RBMS3: variants seen among roughly 807,000 people sequenced by gnomAD.
RBMS3 encodes RNA-binding motif, single-stranded-interacting protein 3.
A neutral mutation model predicts 66.8 loss-of-function variants in RBMS3; 27 were observed. The observed-to-expected ratio is 0.40, with a 90% CI of 0.30 to 0.56. The LOEUF is 0.56. Among genes scored for constraint, RBMS3 ranks in the 20% least tolerant of loss-of-function variants. RBMS3 has a pLI of 0.40. For synonymous variants in RBMS3, 188 were observed against 183.0 expected (o/e 1.03, Z -0.22); for missense variants, 513 against 549.5 (o/e 0.93, Z 0.66).
At chr3:29,814,041 G>A (rs952852524) in intron 6 of RBMS3, among the ~76,000 whole-genome samples, 2 of 151,794 alleles carry the variant, frequency 1.3e-5, no homozygotes, top group Non-Finnish European at 2.9e-5. Flanking sequence ...GTGAGAGAGG[G>A]CATCCCTGTC....
intron 1 of RBMS3, among the ~76,000 whole-genome samples, chr3:29,415,553 T>C (rs1317174544): frequency 6.6e-6 from 1 of 152,120 alleles, no homozygotes; most frequent in Non-Finnish European, 1.5e-5. Flanking sequence ...TTAATTTTTG[T>C]TGGGGGAAGA....
At chr3:29,953,466 G>T (rs1423662829) in intron 12 of RBMS3, among the ~76,000 whole-genome samples, 1 of 151,870 alleles carries the variant, frequency 6.6e-6, no homozygotes, top group Non-Finnish European at 1.5e-5. Context: ...CTAATTAAAG[G>T]TTATTTGAAA....
intron 11 of RBMS3, among the ~76,000 whole-genome samples, chr3:29,936,788 T>A (rs747145472): frequency 6.6e-6 from 1 of 152,084 alleles, no homozygotes; most frequent in Non-Finnish European, 1.5e-5. Flanking sequence ...AGAACAAAAG[T>A]GTGCTGAAAA....
chr3:29,531,187 A>G (rs1421344513), intron 3 of RBMS3, among the ~76,000 whole-genome samples: 1 of 152,238 alleles, frequency 6.6e-6, no homozygotes, highest in Non-Finnish European at 1.5e-5. Flanking sequence ...CTTGCTACTC[A>G]AACGTCTACA....
chr3:29,425,884 T>C (rs2040939668), intron 1 of RBMS3, among the ~76,000 whole-genome samples: 1 of 152,208 alleles, frequency 6.6e-6, no homozygotes, highest in Non-Finnish European at 1.5e-5. Flanking sequence ...TTCTAGCTCA[T>C]CGTGAAAGCA....
At chr3:29,823,064 TA>T (rs1313958243) in intron 6 of RBMS3, among the ~76,000 whole-genome samples, 2 of 152,288 alleles carry the variant, frequency 1.3e-5, no homozygotes, top group Admixed American at 1.3e-4. Flanking sequence ...AATTCACATT[TA>T]AAATTTGTGT....
At chr3:29,919,199 T>C (rs2060709539) in intron 10 of RBMS3, among the ~76,000 whole-genome samples, 1 of 151,948 alleles carries the variant, frequency 6.6e-6, no homozygotes, top group Admixed American at 6.6e-5. Flanking sequence ...CAGAAACAAA[T>C]CCAGAGAGCT....
chr3:29,471,914 A>G (rs1164690457), intron 2 of RBMS3, among the ~76,000 whole-genome samples: 1 of 152,036 alleles, frequency 6.6e-6, no homozygotes, highest in Non-Finnish European at 1.5e-5. Context: ...GGAACTTTAA[A>G]CATAACAGTT....
rs142651068 is a variant in RBMS3 at position 29,441,657 on chromosome 3, C to T, written c.248+6742C>T. 6.3e-3 allele frequency among the ~76,000 whole-genome samples: 965 copies of T among 152,234 alleles called. 13 individuals carry two copies. The highest frequency in any genetic ancestry group is 0.022 in the African/African-American group (910 of 41,542). ...ATAGGTTCTCAGTTCCATGACTACTCGTGAGAATCCCTTAGGGACCTTCAG... is the reference window on the plus strand; with the variant it reads ...ATAGGTTCTCAGTTCCATGACTACTTGTGAGAATCCCTTAGGGACCTTCAG... On this transcript the variant is annotated intron_variant, in intron 2 of 14. Coordinates refer to ENST00000383767, the MANE Select transcript of RBMS3 (RefSeq NM_001003793.3).
At chr3:29,732,163 G>T (rs1411018396) in intron 4 of RBMS3, among the ~76,000 whole-genome samples, 1 of 151,964 alleles carries the variant, frequency 6.6e-6, no homozygotes, top group Non-Finnish European at 1.5e-5. Context: ...TTGGCAGCTG[G>T]AGTCCTAGGA....
chr3:29,876,449 A>G lies in RBMS3; in HGVS notation c.744+7485A>G, dbSNP rs148260611. On this transcript the variant is annotated intron_variant, in intron 7 of 14. Coordinates refer to ENST00000383767, the MANE Select transcript of RBMS3 (RefSeq NM_001003793.3). Reference sequence around the variant, plus strand: ...CAAATTCAAACATTTCTTTAGGTGAATTATTCATGTATTAATTCATTTAGC... The same window carrying G: ...CAAATTCAAACATTTCTTTAGGTGAGTTATTCATGTATTAATTCATTTAGC... 3.5e-3 allele frequency among the ~76,000 whole-genome samples: 537 copies of G among 152,356 alleles called. 4 individuals are homozygous for G. The highest frequency in any genetic ancestry group is 7.6e-3 in the Admixed American group (117 of 15,300).
intron 6 of RBMS3, among the ~76,000 whole-genome samples, chr3:29,812,821 A>G (rs999714330): frequency 3.3e-5 from 5 of 152,190 alleles, no homozygotes; most frequent in African/African-American, 1.2e-4. Context: ...CTTCATGAAT[A>G]AAGTTCAATG....
intron 4 of RBMS3, chr3:29,616,269 G>C (rs1276282880): frequency 6.6e-6 from 1 of 152,218 alleles, no homozygotes; most frequent in East Asian, 1.9e-4. Context: ...GGCAGATCAC[G>C]AGGTCAGGAC....
chr3:29,367,398 G>C (rs1351943966), intron 1 of RBMS3, among the ~76,000 whole-genome samples: 1 of 152,126 alleles, frequency 6.6e-6, no homozygotes, highest in African/African-American at 2.4e-5. Flanking sequence ...GTGTGAGTGA[G>C]AGAGACAGAG....
intron 3 of RBMS3, among the ~76,000 whole-genome samples, chr3:29,524,619 T>A (rs1488294898): frequency 5.3e-5 from 8 of 151,748 alleles, no homozygotes; most frequent in Admixed American, 5.3e-4. Context: ...TTATTTATTT[T>A]TTTTAGTAGA....
At chr3:29,967,701 T>C (rs1385851518) in intron 12 of RBMS3, among the ~76,000 whole-genome samples, 1 of 152,184 alleles carries the variant, frequency 6.6e-6, no homozygotes. Flanking sequence ...GCTAGGAGGG[T>C]TGTATTTTTC....
Position 29,791,964 on chromosome 3 carries a change from TG to T in RBMS3, c.637+28976del, listed in dbSNP as rs1199008581. 2.0e-5 allele frequency among the ~76,000 whole-genome samples: 3 copies of T among 152,244 alleles called. No individual in the cohort carries two copies. In the East Asian group the frequency reaches 5.8e-4, roughly 29 times the overall value. ...CATTTTATTTTTTAATGAAATATAA[TG>T]AAAAATCTTAATCTCCAAATTTGTT... On this transcript the variant is annotated intron_variant, in intron 6 of 14. Coordinates refer to ENST00000383767, the MANE Select transcript of RBMS3 (RefSeq NM_001003793.3).
At chr3:29,775,273 T>A (rs530058543) in intron 6 of RBMS3, among the ~76,000 whole-genome samples, 2 of 151,704 alleles carry the variant, frequency 1.3e-5, no homozygotes, top group South Asian at 2.1e-4. Context: ...TTATTTTTTT[T>A]TTTTGGTAAA....
chr3:29,302,603 G>A (rs896159438), intron 1 of RBMS3, among the ~76,000 whole-genome samples: 1 of 151,950 alleles, frequency 6.6e-6, no homozygotes, highest in Admixed American at 6.6e-5. Context: ...ATTTATCCAG[G>A]TATATGTAAA....
Sources: allele counts gnomAD v4.1 joint callset (sites outside exome capture counted in the v4.1 genomes callset), GRCh38; gene constraint gnomAD v4.1.1; transcripts MANE v1.5; gene names NCBI Gene and HGNC (gene_info 2026-07-23, HGNC 2026-07-21).